The following CLIP2 variants were observed in gnomAD, a reference collection of about 807,000 sequenced individuals.
The protein encoded by CLIP2 is CAP-Gly domain containing linker protein 2.
A neutral mutation model predicts 111.7 loss-of-function variants in CLIP2; 41 were observed. The ratio of observed to expected loss-of-function variants is 0.37; its 90% CI spans 0.29 to 0.48. The LOEUF is 0.48. CLIP2 is among the 20% of genes least tolerant of loss of function. The pLI, the probability that CLIP2 is intolerant of heterozygous loss-of-function variation, is 0.99. For missense variants in CLIP2, 1,160 were observed against 1,422.1 expected (o/e 0.82, Z 2.96); for synonymous variants, 660 against 644.2 (o/e 1.02, Z -0.37).
At chr7:74,335,075 C>G (rs1554731880) in intron 2 of CLIP2, among the ~76,000 whole-genome samples, 3 of 151,994 alleles carry the variant, frequency 2.0e-5, no homozygotes, top group African/African-American at 7.2e-5. Flanking sequence ...ACCTTACCCT[C>G]TGTTTCCAAA....
rs540218848 is a variant in CLIP2, at chr7:74,305,960, C to T, written c.-67-11520C>T. On this transcript the variant is annotated intron_variant, in intron 1 of 16. Coordinates refer to ENST00000223398, the MANE Select transcript of CLIP2 (RefSeq NM_003388.5). The stretch of plus-strand genomic sequence containing the variant: ...GTGGGGGACCCCTGGCTTGGAGTCT[C>T]TCTGTGGCCCCTCATCCCCTCAGCC... 2.3e-4 allele frequency among the ~76,000 whole-genome samples: 35 copies of T among 151,094 alleles called. No individual in the cohort carries two copies. The South Asian group carries it at 6.9e-3, about 30-fold the overall frequency.
At chr7:74,388,342 C>A (rs7785856) in intron 12 of CLIP2, among the ~76,000 whole-genome samples, 126,552 of 151,504 alleles carry the variant, frequency 0.84, 53,491 homozygotes, top group Middle Eastern at 0.95. Context: ...CACACACACA[C>A]AAAAACAATT....
At chr7:74,343,175 A>G (rs1789706751) in intron 3 of CLIP2, among the ~76,000 whole-genome samples, 1 of 151,858 alleles carries the variant, frequency 6.6e-6, no homozygotes, top group South Asian at 2.1e-4. Context: ...GCAACAGAGC[A>G]AGACTCCGTC....
At chr7:74,356,859 G>T (rs954856014) in intron 5 of CLIP2, among the ~76,000 whole-genome samples, 1 of 152,190 alleles carries the variant, frequency 6.6e-6, no homozygotes, top group African/African-American at 2.4e-5. Context: ...GTTAAGGAGG[G>T]TTATACAGAT....
At position 74,404,064 on chromosome 7, in the gene CLIP2, G is replaced by T; in HGVS notation, c.*216G>T. On this transcript the variant is annotated 3_prime_UTR_variant, in exon 17 of 17. Coordinates refer to ENST00000223398, the MANE Select transcript of CLIP2 (RefSeq NM_003388.5). ...CCAGCCTTCTACAGAGAGTGTGAAC[G>T]GTACAGCCCCGGCCTGACCCGGGGA... 1.7e-6 allele frequency: 1 copy of T among 598,434 alleles called. No homozygotes were observed. The highest frequency in any genetic ancestry group is 3.0e-6 in the Non-Finnish European group (1 of 329,040). 37.1% of individuals were successfully genotyped at this position (598,434 alleles called of 1,614,324 possible). A position where few individuals can be genotyped will look rare whatever the true frequency, so the allele number is the denominator to read the frequency against.
intron 1 of CLIP2, among the ~76,000 whole-genome samples, chr7:74,316,994 C>T (rs782624383): frequency 2.0e-5 from 3 of 152,226 alleles, no homozygotes; most frequent in Non-Finnish European, 2.9e-5. Context: ...ATCCACCAGC[C>T]TCAGCCTCCC....
chr7:74,400,669 G>A, intron 15 of CLIP2, 114 bp downstream of exon 15: 1 of 1,081,268 alleles, frequency 9.2e-7, no homozygotes, highest in Non-Finnish European at 1.3e-6. Flanking sequence ...TGAGGAGGTA[G>A]GGAGCTCGTC....
At chr7:74,401,681 A>G (rs1554317706) in intron 16 of CLIP2, 114 bp downstream of exon 16, 1 of 1,091,388 alleles carries the variant, frequency 9.2e-7, no homozygotes, top group East Asian at 2.6e-5. Context: ...AAGAAGCTTT[A>G]CAGTAGGGTC....
intron 4 of CLIP2, 62 bp downstream of exon 4, chr7:74,354,066 G>C (rs1330755947): frequency 6.5e-7 from 1 of 1,541,182 alleles, no homozygotes. Flanking sequence ...TGGGCGCAGG[G>C]GATGGAGATG....
At position 74,369,854 on chromosome 7, in the gene CLIP2, C is replaced by CAAA. The variant is rs58294211; in HGVS notation, c.1381-3056_1381-3054dup. Among the ~76,000 whole-genome samples the CAAA allele has an allele frequency of 1.6e-3, 15 of 9,486 alleles. 2 individuals carry two copies. The highest frequency in any genetic ancestry group is 0.017 in the South Asian group (2 of 120). The allele number at this position is 9,486 out of a possible 152,430, so 6.2% of individuals were successfully genotyped here. On this transcript the variant is annotated intron_variant, in intron 8 of 16. Coordinates refer to ENST00000223398, the MANE Select transcript of CLIP2 (RefSeq NM_003388.5). ...TGAGTAACAGAGCGAGACTCTGCCT[C>CAAA]AAAAAAAAAAAAAAAAAAAAAAAAT...
At chr7:74,367,252 G>A (rs574527015) in intron 8 of CLIP2, among the ~76,000 whole-genome samples, 183 of 151,616 alleles carry the variant, frequency 1.2e-3, no homozygotes, top group African/African-American at 3.6e-3. Context: ...GTGCAGTGGC[G>A]CAATCTCTGC....
intron 1 of CLIP2, among the ~76,000 whole-genome samples, chr7:74,295,403 T>C (rs564618130): frequency 6.6e-6 from 1 of 152,188 alleles, no homozygotes; most frequent in East Asian, 1.9e-4. Context: ...CTCACCATTC[T>C]CCCACATTGA....
chr7:74,290,797 T>G (rs1189460343), intron 1 of CLIP2, among the ~76,000 whole-genome samples: 3 of 91,908 alleles, frequency 3.3e-5, no homozygotes, highest in African/African-American at 7.9e-5. Context: ...CAATAAGCCC[T>G]TCATTCAGCT....
intron 3 of CLIP2, among the ~76,000 whole-genome samples, chr7:74,351,952 A>G (rs937314693): frequency 2.0e-5 from 3 of 152,182 alleles, no homozygotes; most frequent in Admixed American, 6.6e-5. Flanking sequence ...CAGAGGTGAA[A>G]TGGTTGACAG....
intron 2 of CLIP2, among the ~76,000 whole-genome samples, chr7:74,329,005 C>T (rs548228313): frequency 2.5e-4 from 38 of 151,012 alleles, no homozygotes; most frequent in Non-Finnish European, 4.9e-4. Flanking sequence ...CTCCGCCTCC[C>T]GGGTTCAGGC....
chr7:74,370,021 A>G (rs1410848492), intron 8 of CLIP2, among the ~76,000 whole-genome samples: 1 of 76,442 alleles, frequency 1.3e-5, no homozygotes, highest in Admixed American at 1.5e-4. Context: ...AGCTGGGCAT[A>G]GTGGTGCTTG....
At chr7:74,401,648 A>G in intron 16 of CLIP2, 81 bp downstream of exon 16, 1 of 1,387,146 alleles carries the variant, frequency 7.2e-7, no homozygotes, top group South Asian at 1.2e-5. Flanking sequence ...GTCACTAAGA[A>G]TACACACAAA....
chr7:74,357,955 C>T (rs1554308869), intron 6 of CLIP2, among the ~76,000 whole-genome samples: 1 of 151,464 alleles, frequency 6.6e-6, no homozygotes, highest in African/African-American at 2.4e-5. Flanking sequence ...CGGGGTTTCA[C>T]CATGTTGGTC....
At position 74,338,396 on chromosome 7, in the gene CLIP2, A is replaced by G. The variant is rs561372278; in HGVS notation, c.122-52A>G. ...AGACTCTGTGCTCCTGGGGCCACCC[A>G]GGGGCCAGCCCTAACAGCCACCTCT... On this transcript the variant is annotated intron_variant, in intron 2 of 16. Coordinates refer to ENST00000223398, the MANE Select transcript of CLIP2 (RefSeq NM_003388.5). This position sits in a 1 kb window ranked among gnomAD's most constrained non-coding sequence, Gnocchi z 4.3. The G allele has an allele frequency of 2.5e-5, 40 of 1,577,052 alleles. No homozygotes were observed. The highest frequency in any genetic ancestry group is 3.4e-5 in the Non-Finnish European group (40 of 1,162,926).
Sources: gnomAD v4.1 joint callset for allele counts (sites outside exome capture counted in the v4.1 genomes callset) on GRCh38, gnomAD v4.1.1 for gene constraint, Gnocchi (gnomAD v3.1) non-coding constraint, MANE v1.5 for transcripts, NCBI Gene and HGNC (gene_info 2026-07-23, HGNC 2026-07-21) for gene names.